Variants in HS3ST4 observed in about 807,000 individuals in gnomAD.
HS3ST4 encodes heparan sulfate glucosamine 3-O-sulfotransferase 4.
Under a neutral mutation model 29.2 loss-of-function variants are expected in HS3ST4, and 17 were observed. The observed-to-expected ratio is 0.58, with a 90% CI of 0.40 to 0.87. The LOEUF is 0.87. Among genes scored for constraint, HS3ST4 ranks in the 40% least tolerant of loss-of-function variants. The pLI is 0.00. For missense variants in HS3ST4, 627 were observed against 634.5 expected (o/e 0.99, Z 0.13); for synonymous variants, 314 against 285.7 (o/e 1.10, Z -1.00).
intron 1 of HS3ST4, among the ~76,000 whole-genome samples, chr16:25,965,328 T>C (rs1486089357): frequency 6.6e-6 from 1 of 151,224 alleles, no homozygotes; most frequent in Non-Finnish European, 1.5e-5. Flanking sequence ...GGAGAATCAA[T>C]TGAACCTGGG....
chr16:25,805,347 C>T (rs1014291639), intron 1 of HS3ST4, among the ~76,000 whole-genome samples: 2 of 152,090 alleles, frequency 1.3e-5, no homozygotes, highest in African/African-American at 4.8e-5. Flanking sequence ...GTGGAGATGC[C>T]GTTACTGGGC....
At position 25,692,228 on chromosome 16, in the gene HS3ST4, T is replaced by TC. The variant is rs1463828667; in HGVS notation, c.-184dup. 7.0e-6 allele frequency: 1 copy of TC among 143,790 alleles called. No homozygotes were observed. The highest frequency in any genetic ancestry group is 2.6e-5 in the African/African-American group (1 of 38,266). 8.9% of individuals were successfully genotyped at this position (143,790 alleles called of 1,614,324 possible). ...GGGGCGGGGGGCCATGCGGCCGGGC[T>TC]CCCCCCTGGCGCAGCGGGACAGCGG... On this transcript the variant is annotated 5_prime_UTR_variant, in exon 1 of 2. The change creates a premature stop within an existing upstream ORF in the 5' untranslated region. Coordinates refer to ENST00000331351, the MANE Select transcript of HS3ST4 (RefSeq NM_006040.3).
At chr16:25,992,962 C>T (rs566465749) in intron 1 of HS3ST4, among the ~76,000 whole-genome samples, 3 of 152,108 alleles carry the variant, frequency 2.0e-5, no homozygotes, top group Non-Finnish European at 4.4e-5. Flanking sequence ...GCCTTGCTTG[C>T]GTTAGGGGGC....
chr16:25,863,798 T>A (rs1167072494), intron 1 of HS3ST4, among the ~76,000 whole-genome samples: 1 of 152,246 alleles, frequency 6.6e-6, no homozygotes, highest in African/African-American at 2.4e-5. Flanking sequence ...TCCTTGAACA[T>A]CGTGCTACTC....
intron 1 of HS3ST4, among the ~76,000 whole-genome samples, chr16:25,928,341 G>A (rs1968429813): frequency 6.6e-6 from 1 of 151,718 alleles, no homozygotes; most frequent in South Asian, 2.1e-4. Context: ...CTCCAGCCTG[G>A]GCAACAGAGC....
chr16:25,703,667 C>T (rs879473493), intron 1 of HS3ST4, among the ~76,000 whole-genome samples: 4 of 151,720 alleles, frequency 2.6e-5, no homozygotes, highest in Non-Finnish European at 5.9e-5. Flanking sequence ...CAGGCTGCTG[C>T]AGGAGTCTTG....
intron 1 of HS3ST4, among the ~76,000 whole-genome samples, chr16:25,888,628 C>G (rs150436114): frequency 6.6e-6 from 1 of 152,190 alleles, no homozygotes; most frequent in Non-Finnish European, 1.5e-5. Context: ...GCTCACATGC[C>G]TGCCTACCCT....
chr16:25,717,512 T>G lies in HS3ST4; in HGVS notation c.734+24361T>G, dbSNP rs112654184. Among the ~76,000 whole-genome samples, 200 of 36,276 alleles carry G rather than the reference T, an allele frequency of 5.5e-3. No individual in the cohort carries two copies. The African/African-American group carries it at 0.055, about 10-fold the overall frequency. 23.8% of individuals were successfully genotyped at this position (36,276 alleles called of 152,430 possible). ...GAAGGATGAGTAGAAGGTGAAGGGG[T>G]GTGTGTGTGTGTGTGTGTGTGTGTG... On this transcript the variant is annotated intron_variant, in intron 1 of 1. Coordinates refer to ENST00000331351, the MANE Select transcript of HS3ST4 (RefSeq NM_006040.3).
At position 25,960,990 on chromosome 16, in the gene HS3ST4, C is replaced by T. The variant is rs139345749; in HGVS notation, c.735-174622C>T. On this transcript the variant is annotated intron_variant, in intron 1 of 1. Coordinates refer to ENST00000331351, the MANE Select transcript of HS3ST4 (RefSeq NM_006040.3). Reference sequence around the variant, plus strand: ...TGGAGCATTTGAACTATTGCCTTCTCCTCATTCCCACTCCTACCTCTTCTG... The same window carrying T: ...TGGAGCATTTGAACTATTGCCTTCTTCTCATTCCCACTCCTACCTCTTCTG... 5.3e-4 allele frequency among the ~76,000 whole-genome samples: 81 copies of T among 152,296 alleles called. 2 individuals are homozygous for T. The East Asian group carries it at 0.014, about 27-fold the overall frequency.
At chr16:26,030,124 G>A (rs550496808) in intron 1 of HS3ST4, among the ~76,000 whole-genome samples, 171 of 152,336 alleles carry the variant, frequency 1.1e-3, no homozygotes, top group African/African-American at 3.9e-3. Context: ...TCATCTTCAT[G>A]TGATCACTGG....
chr16:25,902,996 G>A (rs1016594310), intron 1 of HS3ST4, among the ~76,000 whole-genome samples: 1 of 150,458 alleles, frequency 6.6e-6, no homozygotes, highest in Non-Finnish European at 1.5e-5. Flanking sequence ...ACTCCAGCCT[G>A]GGTGATGGAG....
chr16:25,746,153 C>T lies in HS3ST4; in HGVS notation c.734+53002C>T, dbSNP rs531446068. The stretch of plus-strand genomic sequence containing the variant: ...ACTATGAGCTTCTGAAGGTCAGCAC[C>T]TATTCCTTGCTCATCATTGAATTCC... On this transcript the variant is annotated intron_variant, in intron 1 of 1. Transcript: ENST00000331351. 3.3e-5 allele frequency among the ~76,000 whole-genome samples: 5 copies of T among 152,342 alleles called. No individual in the cohort carries two copies. The South Asian group carries it at 1.0e-3, about 32-fold the overall frequency.
chr16:26,039,726 C>G lies in HS3ST4; in HGVS notation c.735-95886C>G, dbSNP rs531768009. Among the ~76,000 whole-genome samples, 154 of 152,212 alleles carry G rather than the reference C, an allele frequency of 1.0e-3. 2 individuals are homozygous for G. The South Asian group carries it at 0.031, about 31-fold the overall frequency. ...TACTCATTAAGCATCTCCACCTCCC[C>G]CCACCCTTTCACTACCCTTCCTATC... On this transcript the variant is annotated intron_variant, in intron 1 of 1. Coordinates refer to ENST00000331351, the MANE Select transcript of HS3ST4 (RefSeq NM_006040.3).
intron 1 of HS3ST4, among the ~76,000 whole-genome samples, chr16:25,873,131 T>G (rs540262200): frequency 6.6e-6 from 1 of 152,172 alleles, no homozygotes; most frequent in East Asian, 1.9e-4. Context: ...CAGCTTTCTT[T>G]CTTTCTTTCT....
rs1167036022 is a variant in HS3ST4, at chr16:26,134,357, C to CTTTTTT, written c.735-1251_735-1250insTTTTTT. ...CTTTTCTTTTCTTTTCTTTTCTTTT[C>CTTTTTT]TTTTCTTTTTTTTTTTTTTGATTGA... On this transcript the variant is annotated intron_variant, in intron 1 of 1. Coordinates refer to ENST00000331351, the MANE Select transcript of HS3ST4 (RefSeq NM_006040.3). Among the ~76,000 whole-genome samples, 239 of 109,044 alleles carry CTTTTTT rather than the reference C, an allele frequency of 2.2e-3. 5 individuals carry two copies. Among genetic ancestry groups the CTTTTTT allele is most frequent in the African/African-American group, 4.3e-3 (114 of 26,424 alleles). 71.5% of individuals were successfully genotyped at this position (109,044 alleles called of 152,430 possible).
intron 1 of HS3ST4, among the ~76,000 whole-genome samples, chr16:26,120,342 T>C (rs915900413): frequency 6.6e-6 from 1 of 152,178 alleles, no homozygotes; most frequent in African/African-American, 2.4e-5. Flanking sequence ...GATACACTAA[T>C]TAATTTATGA....
intron 1 of HS3ST4, among the ~76,000 whole-genome samples, chr16:26,020,873 A>G (rs1032049621): frequency 6.6e-5 from 10 of 152,158 alleles, no homozygotes; most frequent in African/African-American, 2.4e-4. Context: ...CCCAATCTCT[A>G]CATGTATTAG....
chr16:26,046,708 T>A (rs534605440), intron 1 of HS3ST4, among the ~76,000 whole-genome samples: 184 of 151,992 alleles, frequency 1.2e-3, no homozygotes, highest in African/African-American at 4.4e-3. Context: ...TATATGTATA[T>A]ATGTGTATAT....
At chr16:26,020,440 C>T (rs376761078) in intron 1 of HS3ST4, among the ~76,000 whole-genome samples, 14 of 152,282 alleles carry the variant, frequency 9.2e-5, no homozygotes, top group African/African-American at 2.9e-4. Context: ...CTGACCATTC[C>T]CACAGCCAAA....
Sources: allele counts gnomAD v4.1 joint callset (sites outside exome capture counted in the v4.1 genomes callset), GRCh38; gene constraint gnomAD v4.1.1; transcripts MANE v1.5; gene names NCBI Gene and HGNC (gene_info 2026-07-23, HGNC 2026-07-21).